JAML: variants seen among roughly 807,000 people sequenced by gnomAD.
The protein encoded by JAML is junction adhesion molecule like.
Under a neutral mutation model 39.3 loss-of-function variants are expected in JAML, and 25 were observed. That is an observed-to-expected ratio of 0.64 (90% CI 0.46 to 0.89). JAML has a LOEUF of 0.89. JAML is among the 40% of genes least tolerant of loss of function. JAML has a pLI of 0.00. For synonymous variants in JAML, 162 were observed against 179.2 expected (o/e 0.90, Z 0.77); for missense variants, 440 against 486.9 (o/e 0.90, Z 0.91).
In JAML at chr11:118,224,961, G is replaced by A. The variant is rs1949248547; in HGVS notation, c.-41C>T. 1 of 152,146 alleles carries A rather than the reference G, an allele frequency of 6.6e-6. No individual in the cohort carries two copies. The highest frequency in any genetic ancestry group is 2.1e-4 in the South Asian group (1 of 4,828). 9.4% of individuals were successfully genotyped at this position (152,146 alleles called of 1,614,324 possible). A position where few individuals can be genotyped will look rare whatever the true frequency, so the allele number is the denominator to read the frequency against. On this transcript the variant is annotated 5_prime_UTR_variant, in exon 1 of 10. Coordinates refer to ENST00000356289, the MANE Select transcript of JAML (RefSeq NM_001098526.2). ...CTTACCCAAGATGAAGAGCACCCAG[G>A]GGAGGCAATGCACTGAAATCTCCCC...
intron 3 of JAML, 48 bp from the exon 4 acceptor site, chr11:118,210,760 G>A (rs367813583): frequency 4.6e-5 from 68 of 1,489,202 alleles, no homozygotes; most frequent in Non-Finnish European, 5.4e-5. Context: ...GTGCCAGACC[G>A]AGGAGCCTGG....
intron 4 of JAML, among the ~76,000 whole-genome samples, chr11:118,208,101 C>T (rs968466808): frequency 4.6e-5 from 7 of 151,882 alleles, no homozygotes; most frequent in African/African-American, 1.7e-4. Context: ...CATGGTGATG[C>T]ACACCTATGG....
rs750659401 is a variant in JAML at position 118,194,365 on chromosome 11, T to A, written c.1145A>T (p.Lys382Met). The part of the protein sequence containing the change: ...RSDRNNSLEK[K>M]SGGGMPKTQQ... Reference sequence around the variant, plus strand: ...TGTTTTTGGCATTCCCCCACCTGACTTTTTTTCAAGTGAGTTGTTCCGATC... The same window carrying A: ...TGTTTTTGGCATTCCCCCACCTGACATTTTTTCAAGTGAGTTGTTCCGATC... Residue 382 changes from lysine (K) to methionine (M), a missense_variant, in exon 10 of 10, where the codon AAG (lysine) becomes ATG (methionine). Physicochemically the swap from Lys to Met is moderately conservative, Grantham distance 95. Transcript: ENST00000356289. 1 of 1,613,968 alleles carries A rather than the reference T, an allele frequency of 6.2e-7. No individual in the cohort carries two copies. Among genetic ancestry groups the A allele is most frequent in the Non-Finnish European group, 8.5e-7 (1 of 1,179,928 alleles).
At chr11:118,215,838 T>A (rs909331901) in intron 1 of JAML, among the ~76,000 whole-genome samples, 4 of 152,216 alleles carry the variant, frequency 2.6e-5, no homozygotes, top group African/African-American at 9.6e-5. Flanking sequence ...CCCCCAAATT[T>A]TCTTAGCTAA....
In JAML at chr11:118,207,411, G is replaced by A. The variant is rs139333794; in HGVS notation, c.425-1420C>T. ...AGGTAAAGCCAACATTTAAGCCCAG[G>A]TCTGAGTGAAAGGAAAGCCCGAGTT... On this transcript the variant is annotated intron_variant, in intron 4 of 9. Transcript: ENST00000356289. Among the ~76,000 whole-genome samples, 365 of 152,286 alleles carry A rather than the reference G, an allele frequency of 2.4e-3. 2 individuals are homozygous for A. Among genetic ancestry groups the A allele is most frequent in the African/African-American group, 8.5e-3 (352 of 41,562 alleles).
chr11:118,209,418 G>T (rs17121879), intron 4 of JAML, among the ~76,000 whole-genome samples: 69,077 of 152,126 alleles, frequency 0.45, 17,751 homozygotes, highest in South Asian at 0.73. Context: ...GTTCTTTGGA[G>T]CTTAAGGTTC....
intron 1 of JAML, among the ~76,000 whole-genome samples, chr11:118,216,479 C>T (rs914948953): frequency 6.6e-6 from 1 of 152,142 alleles, no homozygotes; most frequent in Non-Finnish European, 1.5e-5. Flanking sequence ...AGGTTCCTAC[C>T]TCAGGTCCCA....
intron 9 of JAML, among the ~76,000 whole-genome samples, chr11:118,195,503 AC>A (rs1461491888): frequency 1.3e-5 from 2 of 151,976 alleles, no homozygotes; most frequent in Admixed American, 1.3e-4. Flanking sequence ...TACAAATAGC[AC>A]CGTGCTCATC....
chr11:118,221,720 G>A (rs1045300151), intron 1 of JAML, among the ~76,000 whole-genome samples: 1 of 152,188 alleles, frequency 6.6e-6, no homozygotes, highest in African/African-American at 2.4e-5. Context: ...TCTCACAGTG[G>A]TGCCCTGGGT....
chr11:118,213,225 A>T (rs1285208855), intron 2 of JAML: 1 of 1,287,954 alleles, frequency 7.8e-7, no homozygotes, highest in Non-Finnish European at 9.9e-7. Context: ...AGCAATTTCG[A>T]GCGGTCACTA....
chr11:118,194,510 C>T, intron 9 of JAML, 93 bp from the exon 10 acceptor site: 1 of 998,690 alleles, frequency 1.0e-6, no homozygotes, highest in Non-Finnish European at 1.6e-6. Flanking sequence ...TTCTCATGAG[C>T]CCGGCCCAGT....
At chr11:118,220,028 G>A (rs1181867026) in intron 1 of JAML, among the ~76,000 whole-genome samples, 1 of 152,196 alleles carries the variant, frequency 6.6e-6, no homozygotes, top group Non-Finnish European at 1.5e-5. Flanking sequence ...TGCCTTGCCC[G>A]GGAGAGAGGA....
intron 4 of JAML, among the ~76,000 whole-genome samples, chr11:118,206,902 G>A (rs1373589221): frequency 6.6e-6 from 1 of 152,210 alleles, no homozygotes; most frequent in African/African-American, 2.4e-5. Context: ...AGGCAGGGTG[G>A]TGTATAAGGA....
intron 4 of JAML, chr11:118,209,161 G>T: frequency 3.2e-6 from 1 of 310,996 alleles, no homozygotes; most frequent in South Asian, 3.8e-5. Context: ...TGCCTCCTTT[G>T]GTTACAGTCT....
Position 118,197,992 on chromosome 11 carries a change from G to C in JAML, c.1005+6C>G. The C allele has an allele frequency of 6.2e-7, 1 of 1,612,946 alleles. No individual in the cohort carries two copies. Among genetic ancestry groups the C allele is most frequent in the Non-Finnish European group, 8.5e-7 (1 of 1,178,900 alleles). Reference sequence around the variant, plus strand: ...CTTAGTGTTTTAGGCTGAAGCGTGTGTTCACCTCCCCTTCACATCTTTCAA... The same window carrying C: ...CTTAGTGTTTTAGGCTGAAGCGTGTCTTCACCTCCCCTTCACATCTTTCAA... On this transcript the variant is annotated splice_donor_region_variant and intron_variant, in intron 8 of 9. Coordinates refer to ENST00000356289, the MANE Select transcript of JAML (RefSeq NM_001098526.2).
In JAML at chr11:118,222,425, C is replaced by T. The variant is rs143602457; in HGVS notation, c.-21+2516G>A. ...CAGAGCGAGACTCCATCTAAACAAA[C>T]AAAAAGCCCCTGCTTTCCCTCTAAG... On this transcript the variant is annotated intron_variant, in intron 1 of 9. Coordinates refer to ENST00000356289, the MANE Select transcript of JAML (RefSeq NM_001098526.2). The surrounding 1 kb of genome is among the most constrained non-coding windows in gnomAD (Gnocchi z 4.2). 4.0e-4 allele frequency among the ~76,000 whole-genome samples: 61 copies of T among 151,526 alleles called. 1 individual carries two copies. Among genetic ancestry groups the T allele is most frequent in the Admixed American group, 7.2e-4 (11 of 15,240 alleles).
chr11:118,201,772 G>A (rs1349051596), intron 6 of JAML: 1 of 152,310 alleles, frequency 6.6e-6, no homozygotes, highest in Non-Finnish European at 1.5e-5. Context: ...ACAACTTCAA[G>A]AGTCTGTAGT....
rs1437865254 is a variant in JAML, at chr11:118,222,648, A to C, written c.-21+2293T>G. Among the ~76,000 whole-genome samples the C allele has an allele frequency of 1.3e-5, 2 of 152,254 alleles. No homozygotes were observed. Among genetic ancestry groups the C allele is most frequent in the African/African-American group, 4.8e-5 (2 of 41,466 alleles). ...GTGACTCTAATGATTTTTAAACATA[A>C]AGACAGTGTAAATAACATAAAAAAT... On this transcript the variant is annotated intron_variant, in intron 1 of 9. Coordinates refer to ENST00000356289, the MANE Select transcript of JAML (RefSeq NM_001098526.2). This position sits in a 1 kb window ranked among gnomAD's most constrained non-coding sequence, Gnocchi z 4.2.
intron 9 of JAML, 63 bp downstream of exon 9, chr11:118,196,672 C>G: frequency 6.9e-7 from 1 of 1,454,064 alleles, no homozygotes; most frequent in Non-Finnish European, 9.6e-7. Context: ...CCCAGCCACG[C>G]CCACCACCAC....
Sources: allele counts gnomAD v4.1 joint callset (sites outside exome capture counted in the v4.1 genomes callset), GRCh38; gene constraint gnomAD v4.1.1; non-coding constraint Gnocchi (gnomAD v3.1); transcripts MANE v1.5; gene names NCBI Gene and HGNC (gene_info 2026-07-23, HGNC 2026-07-21).